Variants in MBD5 observed in about 807,000 individuals in gnomAD.
The protein encoded by MBD5 is methyl-CpG-binding domain protein 5.
In MBD5, 13 loss-of-function variants were observed where a neutral mutation model predicts 117.3. The ratio of observed to expected loss-of-function variants is 0.11; its 90% CI spans 0.07 to 0.18. The LOEUF (loss-of-function observed/expected upper bound fraction) is 0.18, where lower values mean the gene tolerates loss of function less well. Ranked by LOEUF, MBD5 falls within the 10% of genes least tolerant of loss-of-function variation. The pLI is 1.00. For synonymous variants in MBD5, 727 were observed against 766.4 expected (o/e 0.95, Z 0.85); for missense variants, 1,879 against 2,093.8 (o/e 0.90, Z 2.00).
At chr2:148,242,381 T>A (rs1173723654) in intron 3 of MBD5, among the ~76,000 whole-genome samples, 1 of 151,632 alleles carries the variant, frequency 6.6e-6, no homozygotes, top group African/African-American at 2.4e-5. Flanking sequence ...CACACACATA[T>A]ATATATATAT....
rs917034077 is a variant in MBD5 at position 148,399,953 on chromosome 2, C to T, written c.-557+57617C>T. Reference sequence around the variant, plus strand: ...TTGGTCCTGTTTATATGCTGGATTACGTTTATTGATTTTCGTATGTTGAAC... The same window carrying T: ...TTGGTCCTGTTTATATGCTGGATTATGTTTATTGATTTTCGTATGTTGAAC... On this transcript the variant is annotated intron_variant, in intron 4 of 13. Coordinates refer to ENST00000642680, the MANE Select transcript of MBD5 (RefSeq NM_001378120.1). Among the ~76,000 whole-genome samples the T allele has an allele frequency of 7.9e-5, 12 of 151,952 alleles. 1 individual carries two copies. Among genetic ancestry groups the T allele is most frequent in the Admixed American group, 3.9e-4 (6 of 15,240 alleles).
At chr2:148,411,795 G>A (rs562006410) in intron 4 of MBD5, among the ~76,000 whole-genome samples, 1 of 151,878 alleles carries the variant, frequency 6.6e-6, no homozygotes, top group Non-Finnish European at 1.5e-5. Flanking sequence ...TCTGTAGGTT[G>A]TCTGTTTACT....
intron 1 of MBD5, chr2:148,056,123 T>C (rs1031519517): frequency 1.3e-5 from 2 of 152,068 alleles, no homozygotes; most frequent in African/African-American, 4.8e-5. Flanking sequence ...GTAGTCTTGG[T>C]ACTTTAAAAT....
intron 3 of MBD5, among the ~76,000 whole-genome samples, chr2:148,325,794 A>G (rs1161161888): frequency 6.6e-6 from 1 of 151,626 alleles, no homozygotes; most frequent in Non-Finnish European, 1.5e-5. Context: ...CAGCTCCTGG[A>G]TTCGTTAATT....
At chr2:148,490,722 C>T in intron 11 of MBD5, 128 bp downstream of exon 11, 1 of 1,174,150 alleles carries the variant, frequency 8.5e-7, no homozygotes, top group Non-Finnish European at 1.2e-6. Context: ...TGAGGTCTCA[C>T]AAGCTTCTGG....
chr2:148,400,090 A>G (rs539938492), intron 4 of MBD5, among the ~76,000 whole-genome samples: 31 of 152,326 alleles, frequency 2.0e-4, no homozygotes, highest in South Asian at 6.2e-4. Flanking sequence ...GTCGATGTTC[A>G]TCAGGGATAT....
chr2:148,393,941 T>A (rs1704634149), intron 4 of MBD5, among the ~76,000 whole-genome samples: 1 of 152,218 alleles, frequency 6.6e-6, no homozygotes, highest in African/African-American at 2.4e-5. Context: ...ATTGAAATTT[T>A]GAATTGAAAA....
At chr2:148,302,569 G>A (rs1448499824) in intron 3 of MBD5, among the ~76,000 whole-genome samples, 1 of 152,086 alleles carries the variant, frequency 6.6e-6, no homozygotes, top group East Asian at 1.9e-4. Context: ...TATAGATGTG[G>A]GACTTAGATT....
intron 1 of MBD5, among the ~76,000 whole-genome samples, chr2:148,066,708 G>A (rs1171382139): frequency 1.3e-5 from 2 of 151,998 alleles, no homozygotes; most frequent in African/African-American, 4.8e-5. Flanking sequence ...GAACTCCTGA[G>A]CTCAGGCAAT....
At chr2:148,087,276 CATT>C (rs1180102096) in intron 1 of MBD5, among the ~76,000 whole-genome samples, 7 of 152,202 alleles carry the variant, frequency 4.6e-5, no homozygotes, top group African/African-American at 7.2e-5. Context: ...CAACTCAGGA[CATT>C]ATAGCAACTC....
chr2:148,280,131 C>CAAAAAAAAAAAAAAAAAATAAAAAA (rs1701209056), intron 3 of MBD5, among the ~76,000 whole-genome samples: 1 of 91,886 alleles, frequency 1.1e-5, no homozygotes, highest in African/African-American at 4.0e-5. Context: ...AAACTAACTG[C>CAAAAAAAAAAAAAAAAAATAAAAAA]AAAAAAAAAA....
At chr2:148,486,432 G>A (rs1290990500) in intron 10 of MBD5, among the ~76,000 whole-genome samples, 1 of 152,096 alleles carries the variant, frequency 6.6e-6, no homozygotes, top group African/African-American at 2.4e-5. Context: ...AATAATCTTG[G>A]GGTAGAGAAG....
intron 1 of MBD5, among the ~76,000 whole-genome samples, chr2:148,112,874 T>TGGTGGCTCATGCCC: frequency 6.6e-6 from 1 of 152,190 alleles, no homozygotes; most frequent in South Asian, 2.1e-4. Flanking sequence ...TGGCCAGGCA[T>TGGTGGCTCATGCCC]GGTGGCTCAT....
intron 4 of MBD5, among the ~76,000 whole-genome samples, chr2:148,421,880 A>G (rs948031660): frequency 2.6e-5 from 4 of 152,350 alleles, no homozygotes; most frequent in Admixed American, 6.5e-5. Flanking sequence ...CTGCCTCTCT[A>G]GATTCCTCCT....
chr2:148,198,997 C>T (rs1699067109), intron 2 of MBD5, among the ~76,000 whole-genome samples: 1 of 151,396 alleles, frequency 6.6e-6, no homozygotes. Context: ...ATGAATATAT[C>T]ATATATGTAT....
At chr2:148,099,086 CA>C (rs1049828194) in intron 1 of MBD5, among the ~76,000 whole-genome samples, 1 of 151,792 alleles carries the variant, frequency 6.6e-6, no homozygotes, top group Non-Finnish European at 1.5e-5. Flanking sequence ...AAAGATAATA[CA>C]AAAAAGACTA....
At chr2:148,412,231 T>C (rs747007953) in intron 4 of MBD5, among the ~76,000 whole-genome samples, 25 of 151,790 alleles carry the variant, frequency 1.6e-4, no homozygotes, top group Non-Finnish European at 3.1e-4. Flanking sequence ...TTGGTACCAG[T>C]ACCATACTGT....
At chr2:148,373,382 C>T (rs1703907172) in intron 4 of MBD5, among the ~76,000 whole-genome samples, 1 of 152,040 alleles carries the variant, frequency 6.6e-6, no homozygotes, top group African/African-American at 2.4e-5. Context: ...AATGACCTAA[C>T]ACAGTAATGA....
chr2:148,251,127 A>G (rs998662810), intron 3 of MBD5, among the ~76,000 whole-genome samples: 3 of 152,160 alleles, frequency 2.0e-5, no homozygotes, highest in Non-Finnish European at 4.4e-5. Flanking sequence ...GTGTCGGGCA[A>G]AAGGGTGCAA....
Sources: gnomAD v4.1 joint callset for allele counts (sites outside exome capture counted in the v4.1 genomes callset) on GRCh38, gnomAD v4.1.1 for gene constraint, MANE v1.5 for transcripts, NCBI Gene and HGNC (gene_info 2026-07-23, HGNC 2026-07-21) for gene names.